MALRD1: variants seen among roughly 807,000 people sequenced by gnomAD.
The protein encoded by MALRD1 is MAM and LDL-receptor class A domain-containing protein 1.
MALRD1 carries 247 observed loss-of-function variants against 242.1 expected under a neutral mutation model. The ratio of observed to expected loss-of-function variants is 1.02; its 90% CI spans 0.92 to 1.13. The LOEUF (loss-of-function observed/expected upper bound fraction) is 1.13. Among genes scored for constraint, MALRD1 ranks in the 50% most tolerant of loss-of-function variants. The pLI is 0.00. For missense variants in MALRD1, 2,989 were observed against 2,533.1 expected, an observed-to-expected ratio of 1.18 and a Z score of -3.86; for synonymous variants, 995 against 866.6, an observed-to-expected ratio of 1.15 and a Z score of -2.60.
At chr10:19,479,971 A>G (rs1318426274) in intron 29 of MALRD1, among the ~76,000 whole-genome samples, 4 of 152,176 alleles carry the variant, frequency 2.6e-5, no homozygotes, top group South Asian at 2.1e-4. Context: ...GATCTTACCT[A>G]GTAGCAAAAG....
At chr10:19,050,083 C>CTTTTTTTTTTTT (rs34692209) in intron 1 of MALRD1, among the ~76,000 whole-genome samples, 1 of 90,578 alleles carries the variant, frequency 1.1e-5, no homozygotes, top group Non-Finnish European at 2.1e-5. Context: ...CATATGTCTT[C>CTTTTTTTTTTTT]TTTTTTTTTT....
In MALRD1 at chr10:19,699,203, T is replaced by TATAATAATAATAATAATA. The variant is rs149007944; in HGVS notation, c.6314+6657_6314+6674dup. The stretch of plus-strand genomic sequence containing the variant: ...TGCAGATGTATCCCAGAACTTAAAG[T>TATAATAATAATAATAATA]ATAATAATAATAATAATAATAATAA... On this transcript the variant is annotated intron_variant, in intron 38 of 39. Coordinates refer to ENST00000454679, the MANE Select transcript of MALRD1 (RefSeq NM_001142308.3). Among the ~76,000 whole-genome samples the TATAATAATAATAATAATA allele has an allele frequency of 4.1e-4, 61 of 147,286 alleles. 1 individual carries two copies. Among genetic ancestry groups the TATAATAATAATAATAATA allele is most frequent in the African/African-American group, 1.5e-3 (57 of 39,124 alleles).
At chr10:19,388,139 A>C (rs928584337) in intron 27 of MALRD1, among the ~76,000 whole-genome samples, 5 of 152,106 alleles carry the variant, frequency 3.3e-5, no homozygotes, top group Non-Finnish European at 5.9e-5. Context: ...AATTCTTCAC[A>C]TCATCTTCTC....
At chr10:19,558,019 A>G (rs1835803550) in intron 32 of MALRD1, among the ~76,000 whole-genome samples, 1 of 152,132 alleles carries the variant, frequency 6.6e-6, no homozygotes, top group Admixed American at 6.5e-5. Flanking sequence ...GCTAATATAA[A>G]TTTTATTGTT....
At chr10:19,058,484 G>T (rs1297831459) in intron 1 of MALRD1, among the ~76,000 whole-genome samples, 4 of 151,928 alleles carry the variant, frequency 2.6e-5, no homozygotes, top group Non-Finnish European at 5.9e-5. Context: ...GTTGAATATT[G>T]ATATTGAGTA....
chr10:19,320,081 T>G (rs1842860366), intron 21 of MALRD1, among the ~76,000 whole-genome samples: 1 of 148,328 alleles, frequency 6.7e-6, no homozygotes, highest in Non-Finnish European at 1.5e-5. Flanking sequence ...TACTTTAGGT[T>G]CTGGGATATA....
chr10:19,249,540 T>G (rs538097033), intron 18 of MALRD1, among the ~76,000 whole-genome samples: 106 of 152,146 alleles, frequency 7.0e-4, no homozygotes, highest in Non-Finnish European at 1.3e-3. Flanking sequence ...GAGCTTATAA[T>G]GTGCTAGTTA....
chr10:19,073,532 T>G (rs2131262069), intron 2 of MALRD1, among the ~76,000 whole-genome samples: 1 of 152,220 alleles, frequency 6.6e-6, no homozygotes, highest in South Asian at 2.1e-4. Context: ...TTTCTGATGG[T>G]TTAATGTGCA....
Position 19,140,004 on chromosome 10 carries a change from C to A in MALRD1, c.1411+3223C>A, listed in dbSNP as rs147015280. On this transcript the variant is annotated intron_variant, in intron 10 of 39. Transcript: ENST00000454679. The stretch of plus-strand genomic sequence containing the variant: ...TTCTCTCAGGGTAGAAGCAAAAACT[C>A]TGTTTACTTTGCTAGTCCTTAAGAG... Among the ~76,000 whole-genome samples the A allele has an allele frequency of 2.6e-5, 4 of 152,236 alleles. No individual in the cohort carries two copies. The East Asian group carries it at 7.7e-4, about 29-fold the overall frequency.
chr10:19,456,467 G>T (rs10764016), intron 29 of MALRD1, among the ~76,000 whole-genome samples: 4 of 151,946 alleles, frequency 2.6e-5, no homozygotes, highest in African/African-American at 9.7e-5. Flanking sequence ...CATCACTCTG[G>T]ATTCAAATTG....
At chr10:19,371,945 A>G (rs1845400091) in intron 26 of MALRD1, among the ~76,000 whole-genome samples, 1 of 152,154 alleles carries the variant, frequency 6.6e-6, no homozygotes, top group African/African-American at 2.4e-5. Context: ...AGATATGAGT[A>G]TACAGAAGGT....
chr10:19,456,954 A>T (rs1186694392), intron 29 of MALRD1, among the ~76,000 whole-genome samples: 1 of 151,848 alleles, frequency 6.6e-6, no homozygotes, highest in South Asian at 2.1e-4. Context: ...ACAAAACAAA[A>T]CAAAAGAACC....
chr10:19,327,663 C>T lies in MALRD1; in HGVS notation c.3677C>T (p.Ser1226Leu), dbSNP rs1169422306. The T allele has an allele frequency of 6.5e-7, 1 of 1,548,826 alleles. No individual in the cohort carries two copies. Among genetic ancestry groups the T allele is most frequent in the Non-Finnish European group, 8.7e-7 (1 of 1,145,724 alleles). ...KRAEVFLGIR[S>L]HTQIVFRAKR... ...GCAGAAGTGTTTTTAGGCATTCGTT[C>T]ACATACACAGGTGTGTAATACAGGT... is the stretch of plus-strand genomic sequence containing the variant. Residue 1226 changes from serine (S) to leucine (L), a missense_variant, in exon 23 of 40, where the codon TCA becomes TTA. By Grantham distance (145) the Ser-to-Leu change is moderately radical. Transcript: ENST00000454679.
At chr10:19,407,788 TAGTA>T (rs536102368) in intron 28 of MALRD1, among the ~76,000 whole-genome samples, 3 of 152,210 alleles carry the variant, frequency 2.0e-5, no homozygotes, top group South Asian at 2.1e-4. Context: ...AATTTGGCAG[TAGTA>T]AGTGATATTG....
intron 2 of MALRD1, among the ~76,000 whole-genome samples, chr10:19,076,022 C>T (rs79202483): frequency 6.6e-6 from 1 of 151,986 alleles, no homozygotes; most frequent in Non-Finnish European, 1.5e-5. Context: ...CCCTTAAACA[C>T]TAATTAATGG....
At chr10:19,529,025 A>G (rs990949997) in intron 31 of MALRD1, among the ~76,000 whole-genome samples, 4 of 152,234 alleles carry the variant, frequency 2.6e-5, no homozygotes, top group African/African-American at 4.8e-5. Context: ...TAACAGTGTC[A>G]TGAGGACCCA....
In MALRD1 at chr10:19,136,700, G is replaced by A; in HGVS notation, c.1330G>A (p.Gly444Ser). The change falls in exon 10 of 40, where the codon GGC becomes AGC. Residue 444 changes from glycine to serine, a missense_variant. Transcript: ENST00000454679. ...CSADEFPCTS[G>S]QCIAKESVCD... ...TGCAGACGAATTCCCTTGCACTAGTGGCCAGTGCATCGCCAAAGAATCTGT... is the reference window on the plus strand; with the variant it reads ...TGCAGACGAATTCCCTTGCACTAGTAGCCAGTGCATCGCCAAAGAATCTGT... 2.4e-6 allele frequency: 3 copies of A among 1,231,636 alleles called. No homozygotes were observed. Among genetic ancestry groups the A allele is most frequent in the Non-Finnish European group, 2.0e-6 (2 of 987,934 alleles). 76.3% of individuals were successfully genotyped at this position (1,231,636 alleles called of 1,614,324 possible). A position where few individuals can be genotyped will look rare whatever the true frequency, so the allele number is the denominator to read the frequency against.
intron 38 of MALRD1, among the ~76,000 whole-genome samples, chr10:19,703,514 G>A (rs894977050): frequency 1.3e-5 from 2 of 152,214 alleles, no homozygotes; most frequent in Admixed American, 1.3e-4. Flanking sequence ...CACCTTCAAG[G>A]AAGCAGGAAA....
At chr10:19,514,309 T>C (rs1198093767) in intron 31 of MALRD1, among the ~76,000 whole-genome samples, 1 of 152,180 alleles carries the variant, frequency 6.6e-6, no homozygotes, top group African/African-American at 2.4e-5. Context: ...TAATAACATA[T>C]CATACAATAT....
Sources: allele counts gnomAD v4.1 joint callset (sites outside exome capture counted in the v4.1 genomes callset), GRCh38; gene constraint gnomAD v4.1.1; transcripts MANE v1.5; gene names NCBI Gene and HGNC (gene_info 2026-07-23, HGNC 2026-07-21).